RPS24: variants seen among roughly 807,000 people sequenced by gnomAD.
The protein encoded by RPS24 is small ribosomal subunit protein eS24.
For synonymous variants in RPS24, 72 were observed against 55.6 expected (o/e 1.30, Z -1.31); for missense variants, 100 against 162.5 (o/e 0.62, Z 2.09).
chr10:78,035,824 C>A, intron 3 of RPS24, 104 bp downstream of exon 3: 1 of 924,540 alleles, frequency 1.1e-6, no homozygotes, highest in Non-Finnish European at 1.8e-6. Flanking sequence ...ATCTGGGATA[C>A]AACTCTGAAA....
At position 78,037,902 on chromosome 10, in the gene RPS24, C is replaced by CTTTTTTTTTTTTTTTTTTTT. The variant is rs55902139; in HGVS notation, c.390+602_390+621dup. On this transcript the variant is annotated intron_variant, in intron 4 of 5. Coordinates refer to ENST00000372360, the MANE Select transcript of RPS24 (RefSeq NM_033022.4). ...AACAAATAATCAAGTGTTCTGTGAACTTTTTTTTTTTTTTTTTTTTTTTGC... is the reference window on the plus strand; with the variant it reads ...AACAAATAATCAAGTGTTCTGTGAACTTTTTTTTTTTTTTTTTTTTTTTTTTTTTTTTTTTTTTTTTTTGC... 4.4e-4 allele frequency: 167 copies of CTTTTTTTTTTTTTTTTTTTT among 379,930 alleles called. 1 individual carries two copies. Among genetic ancestry groups the CTTTTTTTTTTTTTTTTTTTT allele is most frequent in the East Asian group, 7.3e-4 (5 of 6,872 alleles). The allele number at this position is 379,930 out of a possible 1,614,324, so 23.5% of individuals were successfully genotyped here.
In RPS24 at chr10:78,053,672, C is replaced by T. The variant is rs185150401; in HGVS notation, c.391-859C>T. Among the ~76,000 whole-genome samples, 40 of 152,148 alleles carry T rather than the reference C, an allele frequency of 2.6e-4. No homozygotes were observed. In the East Asian group the frequency reaches 7.4e-3, roughly 28 times the overall value. On this transcript the variant is annotated intron_variant, in intron 4 of 4. Coordinates refer to the RPS24 transcript ENST00000440692. Reference sequence around the variant, plus strand: ...AGGAAATGGCAGAGCAGGAGCGGGCCGGGGATGGGGGAACGTCTGCACCAC... The same window carrying T: ...AGGAAATGGCAGAGCAGGAGCGGGCTGGGGATGGGGGAACGTCTGCACCAC...
chr10:78,035,973 T>C (rs1384157130), intron 3 of RPS24: 2 of 491,032 alleles, frequency 4.1e-6, no homozygotes, highest in African/African-American at 3.9e-5. Context: ...AGGATTGTTT[T>C]CCAGAGGAGA....
chr10:78,036,208 T>C (rs1037019883), intron 3 of RPS24: 3 of 196,888 alleles, frequency 1.5e-5, no homozygotes, highest in African/African-American at 7.0e-5. Context: ...GTGCTTGTTT[T>C]GTTTGTTCCT....
chr10:78,043,165 G>T (rs1487648904), downstream of RPS24, among the ~76,000 whole-genome samples: 4 of 151,982 alleles, frequency 2.6e-5, no homozygotes, highest in African/African-American at 9.7e-5. Flanking sequence ...CACCATGCCC[G>T]GGTAATTTTT....
intron 4 of RPS24, among the ~76,000 whole-genome samples, chr10:78,047,808 C>T (rs1848061100): frequency 6.6e-6 from 1 of 152,232 alleles, no homozygotes; most frequent in Admixed American, 6.5e-5. Flanking sequence ...GGCTGGGAAC[C>T]CCAGCAGCCC....
exon 5 of RPS24, chr10:78,054,539 A>G: frequency 1.3e-6 from 2 of 1,538,676 alleles, no homozygotes; most frequent in Admixed American, 2.0e-5. Context: ...AGATGAGGGA[A>G]TTGGGGCTTG....
intron 4 of RPS24, among the ~76,000 whole-genome samples, chr10:78,046,922 A>G (rs959763354): frequency 2.6e-5 from 4 of 151,890 alleles, no homozygotes; most frequent in African/African-American, 4.8e-5. Flanking sequence ...TAGAAATTCA[A>G]TTTCTTGGGC....
chr10:78,043,048 G>T (rs1848003538), downstream of RPS24, among the ~76,000 whole-genome samples: 1 of 152,070 alleles, frequency 6.6e-6, no homozygotes, highest in Admixed American at 6.5e-5. Context: ...CTGTCACCCA[G>T]GCTGGAGTGC....
intron 3 of RPS24, 100 bp from the exon 4 acceptor site, chr10:78,037,094 T>A: frequency 6.9e-7 from 1 of 1,444,014 alleles, no homozygotes; most frequent in Non-Finnish European, 9.4e-7. Flanking sequence ...TTTAGAAAGC[T>A]GTGTTTCTTA....
At chr10:78,047,067 C>A (rs1054113615) in intron 4 of RPS24, among the ~76,000 whole-genome samples, 1 of 151,890 alleles carries the variant, frequency 6.6e-6, no homozygotes, top group African/African-American at 2.4e-5. Context: ...TGCGATTCTC[C>A]ACCTCAGCTT....
chr10:78,045,535 G>A (rs970065392), downstream of RPS24, among the ~76,000 whole-genome samples: 2 of 151,898 alleles, frequency 1.3e-5, no homozygotes, highest in Non-Finnish European at 2.9e-5. Flanking sequence ...AGGCTGGGGT[G>A]CAGTGGCACT....
At chr10:78,050,839 TG>T (rs1350639117) in intron 4 of RPS24, among the ~76,000 whole-genome samples, 1 of 152,194 alleles carries the variant, frequency 6.6e-6, no homozygotes, top group Non-Finnish European at 1.5e-5. Flanking sequence ...TTGCGCCTCC[TG>T]GCCTCAAGCT....
intron 4 of RPS24, among the ~76,000 whole-genome samples, chr10:78,051,035 A>G (rs1782887974): frequency 6.6e-6 from 1 of 152,178 alleles, no homozygotes; most frequent in South Asian, 2.1e-4. Flanking sequence ...TACTAAAAAT[A>G]AAAAATTAGA....
chr10:78,041,491 A>G (rs1847985820), downstream of RPS24, among the ~76,000 whole-genome samples: 1 of 152,232 alleles, frequency 6.6e-6, no homozygotes, highest in Non-Finnish European at 1.5e-5. Context: ...CTACTTTGCT[A>G]GGACCAGGAA....
At chr10:78,034,617 C>G (rs1360911660) in intron 1 of RPS24, among the ~76,000 whole-genome samples, 1 of 152,188 alleles carries the variant, frequency 6.6e-6, no homozygotes, top group East Asian at 1.9e-4. Context: ...CCATGAAAGT[C>G]TCTTGCGCCT....
At chr10:78,040,536 T>C in intron 5 of RPS24, 79 bp from the exon 6 acceptor site, 1 of 989,914 alleles carries the variant, frequency 1.0e-6, no homozygotes, top group Non-Finnish European at 1.6e-6. Flanking sequence ...TGTGCATGAG[T>C]GTTACTACTT....
chr10:78,038,238 A>G, intron 4 of RPS24: 1 of 210,204 alleles, frequency 4.8e-6, no homozygotes, highest in Non-Finnish European at 9.8e-6. Flanking sequence ...GTAAACTCCA[A>G]AATGCATGTT....
intron 4 of RPS24, among the ~76,000 whole-genome samples, chr10:78,052,331 C>A (rs533279414): frequency 6.6e-6 from 1 of 152,214 alleles, no homozygotes; most frequent in African/African-American, 2.4e-5. Flanking sequence ...CGGCTTAGTT[C>A]TTGGTTTTTC....
Sources: gnomAD v4.1 joint callset for allele counts (sites outside exome capture counted in the v4.1 genomes callset) on GRCh38, gnomAD v4.1.1 for gene constraint, MANE v1.5 for transcripts, NCBI Gene and HGNC (gene_info 2026-07-23, HGNC 2026-07-21) for gene names.